FBXL20: variants seen among roughly 807,000 people sequenced by gnomAD.
FBXL20 encodes F-box and leucine rich repeat protein 20.
In FBXL20, 11 loss-of-function variants were observed where a neutral mutation model predicts 64.0. That is an observed-to-expected ratio of 0.17 (90% confidence interval 0.11 to 0.28). The LOEUF is 0.28. Ranked by LOEUF, FBXL20 falls within the 10% of genes least tolerant of loss-of-function variation. FBXL20 has a pLI of 1.00. For synonymous variants in FBXL20, 184 were observed against 189.0 expected, an observed-to-expected ratio of 0.97 and a Z score of 0.22; for missense variants, 303 against 526.2, an observed-to-expected ratio of 0.58 and a Z score of 4.15.
At chr17:39,319,181 G>A (rs898439567) in intron 2 of FBXL20, among the ~76,000 whole-genome samples, 2 of 151,684 alleles carry the variant, frequency 1.3e-5, no homozygotes, top group South Asian at 4.2e-4. Context: ...CCAGGGAGTA[G>A]GAGGTTGCAG....
intron 1 of FBXL20, among the ~76,000 whole-genome samples, chr17:39,384,506 A>C (rs1330378224): frequency 6.6e-6 from 1 of 151,998 alleles, no homozygotes; most frequent in Non-Finnish European, 1.5e-5. Context: ...CCCTGGAGGC[A>C]GAGCAAGAGT....
At chr17:39,332,250 GA>G (rs769791827) in intron 2 of FBXL20, among the ~76,000 whole-genome samples, 1 of 152,342 alleles carries the variant, frequency 6.6e-6, no homozygotes, top group Non-Finnish European at 1.5e-5. Context: ...CACATGTGCA[GA>G]AAAGAGTTAA....
rs559962844 is a variant in FBXL20 at position 39,338,024 on chromosome 17, C to A, written c.104+5156G>T. Among the ~76,000 whole-genome samples the A allele has an allele frequency of 5.3e-5, 8 of 152,300 alleles. No individual in the cohort carries two copies. In the East Asian group the frequency reaches 1.5e-3, roughly 29 times the overall value. On this transcript the variant is annotated intron_variant, in intron 2 of 14. Coordinates refer to ENST00000264658, the MANE Select transcript of FBXL20 (RefSeq NM_032875.3). ...GAGCCCCTCTGCCCGGCCACCACCCCGTCTGGGAGCTGTACCCAACAGCTC... is the reference window on the plus strand; with the variant it reads ...GAGCCCCTCTGCCCGGCCACCACCCAGTCTGGGAGCTGTACCCAACAGCTC...
intron 1 of FBXL20, among the ~76,000 whole-genome samples, chr17:39,401,093 TGGA>T (rs2048237389): frequency 6.6e-6 from 1 of 152,104 alleles, no homozygotes; most frequent in African/African-American, 2.4e-5. Context: ...TGAGCGATCC[TGGA>T]GGAGGGTGGA....
chr17:39,320,896 T>C (rs370339507), intron 2 of FBXL20, among the ~76,000 whole-genome samples: 4 of 152,264 alleles, frequency 2.6e-5, no homozygotes, highest in African/African-American at 4.8e-5. Flanking sequence ...CCAGTATGAA[T>C]ACTCTACAAC....
upstream of FBXL20, chr17:39,402,143 GC>G: frequency 8.1e-7 from 1 of 1,233,356 alleles, no homozygotes; most frequent in East Asian, 3.1e-5. Flanking sequence ...ATCCTTCCCG[GC>G]CACCCAGCTC....
intron 2 of FBXL20, among the ~76,000 whole-genome samples, chr17:39,340,013 T>C (rs1322196699): frequency 6.6e-6 from 1 of 152,058 alleles, no homozygotes; most frequent in Non-Finnish European, 1.5e-5. Context: ...CACTGCAACC[T>C]CTGCCTCCCA....
rs375953565 is a variant in FBXL20 at position 39,379,485 on chromosome 17, C to CA, written c.42+21875dup. Among the ~76,000 whole-genome samples the CA allele has an allele frequency of 4.5e-3, 574 of 127,008 alleles. 7 individuals carry two copies. The highest frequency in any genetic ancestry group is 6.6e-3 in the African/African-American group (224 of 33,976). The allele number at this position is 127,008 out of a possible 152,430, so 83.3% of individuals were successfully genotyped here. ...AACATAGCAAGACCCCATCCCTTACCAAAAAAAAAAAAACTGGCCAGGCAC... is the reference window on the plus strand; with the variant it reads ...AACATAGCAAGACCCCATCCCTTACCAAAAAAAAAAAAAACTGGCCAGGCAC... On this transcript the variant is annotated intron_variant, in intron 1 of 14. Coordinates refer to ENST00000264658, the MANE Select transcript of FBXL20 (RefSeq NM_032875.3).
intron 1 of FBXL20, among the ~76,000 whole-genome samples, chr17:39,387,463 G>A (rs1369994355): frequency 6.6e-6 from 1 of 152,012 alleles, no homozygotes; most frequent in Non-Finnish European, 1.5e-5. Context: ...TATTTTAGTA[G>A]AGACGGGGTT....
chr17:39,348,555 G>A (rs563868650), intron 1 of FBXL20, among the ~76,000 whole-genome samples: 17 of 151,862 alleles, frequency 1.1e-4, no homozygotes, highest in Middle Eastern at 3.4e-3. Context: ...GCCTTCCAAA[G>A]TGTTGGGATT....
At chr17:39,313,065 C>T (rs1012490076) in intron 2 of FBXL20, among the ~76,000 whole-genome samples, 2 of 150,628 alleles carry the variant, frequency 1.3e-5, no homozygotes, top group Admixed American at 6.7e-5. Flanking sequence ...ATTACCGGCG[C>T]GCACCATCAT....
chr17:39,304,000 A>G (rs2144458904), intron 2 of FBXL20, among the ~76,000 whole-genome samples: 1 of 152,252 alleles, frequency 6.6e-6, no homozygotes, highest in Admixed American at 6.5e-5. Flanking sequence ...GTTGCTCTTG[A>G]TTTTAGCATA....
At chr17:39,326,782 G>C (rs1448708592) in intron 2 of FBXL20, among the ~76,000 whole-genome samples, 2 of 151,082 alleles carry the variant, frequency 1.3e-5, no homozygotes, top group African/African-American at 4.9e-5. Context: ...ACCACACCCG[G>C]CTAACATATA....
rs978121896 is a variant in FBXL20, at chr17:39,306,154, C to T, written c.105-2515G>A. 3.6e-5 allele frequency among the ~76,000 whole-genome samples: 5 copies of T among 140,718 alleles called. No homozygotes were observed. The South Asian group carries it at 7.0e-4, about 20-fold the overall frequency. The allele number at this position is 140,718 out of a possible 152,430, so 92.3% of individuals were successfully genotyped here. ...TCCAGCCTGGGTGATAGAGTGAGTT[C>T]TTTTTTTTTTTTTTAAGACGGAGTT... On this transcript the variant is annotated intron_variant, in intron 2 of 14. Transcript: ENST00000264658.
intron 1 of FBXL20, among the ~76,000 whole-genome samples, chr17:39,347,375 C>T (rs370328728): frequency 3.1e-4 from 47 of 152,234 alleles, no homozygotes; most frequent in Admixed American, 2.1e-3. Flanking sequence ...TTTTAATGAT[C>T]GCCATTCTAA....
intron 1 of FBXL20, among the ~76,000 whole-genome samples, chr17:39,348,434 T>C (rs930567838): frequency 2.0e-5 from 3 of 150,964 alleles, no homozygotes; most frequent in African/African-American, 2.5e-5. Flanking sequence ...CAGTCCAGCC[T>C]GGCGACAGAA....
chr17:39,363,244 C>CCT (rs1013198928), intron 1 of FBXL20, among the ~76,000 whole-genome samples: 2 of 151,894 alleles, frequency 1.3e-5, no homozygotes, highest in Admixed American at 1.3e-4. Context: ...GAACTCCCAA[C>CCT]CTCAGGTGAT....
At chr17:39,372,273 C>T (rs1208808727) in intron 1 of FBXL20, among the ~76,000 whole-genome samples, 1 of 151,928 alleles carries the variant, frequency 6.6e-6, no homozygotes, top group African/African-American at 2.4e-5. Flanking sequence ...GTAATCCCAG[C>T]ACTTTGGGAG....
Position 39,275,115 on chromosome 17 carries a change from C to CA in FBXL20, c.697-16dup, listed in dbSNP as rs763380451. 3.6e-5 allele frequency: 57 copies of CA among 1,578,180 alleles called. No homozygotes were observed. Among genetic ancestry groups the CA allele is most frequent in the South Asian group, 1.2e-4 (10 of 84,104 alleles). Reference sequence around the variant, plus strand: ...TCTGTGATTTGCTAAAAAACAAGAGCAAAAAAATCCATAGATATTAGTATC... The same window carrying CA: ...TCTGTGATTTGCTAAAAAACAAGAGCAAAAAAAATCCATAGATATTAGTATC... On this transcript the variant is annotated splice_polypyrimidine_tract_variant and intron_variant, in intron 9 of 14. Coordinates refer to ENST00000264658, the MANE Select transcript of FBXL20 (RefSeq NM_032875.3).
Sources: gnomAD v4.1 joint callset for allele counts (sites outside exome capture counted in the v4.1 genomes callset) on GRCh38, gnomAD v4.1.1 for gene constraint, MANE v1.5 for transcripts, NCBI Gene and HGNC (gene_info 2026-07-23, HGNC 2026-07-21) for gene names.